SLC43A1: variants seen among roughly 807,000 people sequenced by gnomAD.
SLC43A1 encodes the protein solute carrier family 43 member 1, also known as large neutral amino acids transporter small subunit 3.
SLC43A1 carries 31 observed loss-of-function variants against 59.5 expected under a neutral mutation model. That is an observed-to-expected ratio of 0.52 (90% CI 0.39 to 0.70). The LOEUF is 0.70. SLC43A1 is among the 30% of genes least tolerant of loss of function. The pLI is 0.00. For synonymous variants in SLC43A1, 259 were observed against 290.9 expected (o/e 0.89, Z 1.12); for missense variants, 598 against 717.8 (o/e 0.83, Z 1.91).
chr11:57,485,251 C>A lies in SLC43A1; in HGVS notation c.1534-9G>T, dbSNP rs766243333. On this transcript the variant is annotated splice_polypyrimidine_tract_variant and intron_variant, in intron 14 of 14. Coordinates refer to ENST00000278426, the MANE Select transcript of SLC43A1 (RefSeq NM_003627.6). ...AGGAGGCCCAGATTCACCTTTAGGG[C>A]AAGGAGAGAGAAACAGAGTCAAGTA... The A allele has an allele frequency of 6.2e-7, 1 of 1,607,786 alleles. No individual in the cohort carries two copies. The highest frequency in any genetic ancestry group is 1.7e-5 in the Admixed American group (1 of 58,988).
intron 2 of SLC43A1, among the ~76,000 whole-genome samples, chr11:57,507,252 G>C (rs982286792): frequency 3.9e-5 from 6 of 152,230 alleles, no homozygotes; most frequent in Admixed American, 6.5e-5. Context: ...GGGATCACTT[G>C]AGGCCAGGGG....
At chr11:57,490,164 A>C (rs1943858371) in intron 11 of SLC43A1, among the ~76,000 whole-genome samples, 1 of 152,152 alleles carries the variant, frequency 6.6e-6, no homozygotes, top group Admixed American at 6.5e-5. Context: ...CAGTCACAGA[A>C]TCTGGGTTCA....
At chr11:57,498,908 A>C (rs1398339586) in intron 5 of SLC43A1, among the ~76,000 whole-genome samples, 1 of 152,072 alleles carries the variant, frequency 6.6e-6, no homozygotes, top group Non-Finnish European at 1.5e-5. Context: ...TGGCCCCACC[A>C]TCCTCCCCAA....
intron 2 of SLC43A1, among the ~76,000 whole-genome samples, chr11:57,511,923 G>A (rs1040864926): frequency 5.3e-5 from 8 of 152,144 alleles, no homozygotes; most frequent in African/African-American, 1.9e-4. Context: ...GTGGGGGTGA[G>A]GCGAGTGAGT....
intron 11 of SLC43A1, 28 bp downstream of exon 11, chr11:57,491,196 T>TGTCACCATCCCTGTACAGGCAG: frequency 6.7e-7 from 1 of 1,501,288 alleles, no homozygotes. Flanking sequence ...GACCACTTGC[T>TGTCACCATCCCTGTACAGGCAG]GTCACCATCC....
chr11:57,505,106 G>A (rs551088266), intron 2 of SLC43A1, among the ~76,000 whole-genome samples: 153 of 152,370 alleles, frequency 1.0e-3, no homozygotes, highest in African/African-American at 3.4e-3. Flanking sequence ...AGGGAAAGCA[G>A]TGTTTCCCAA....
intron 11 of SLC43A1, among the ~76,000 whole-genome samples, chr11:57,489,789 C>T (rs929471644): frequency 1.3e-5 from 2 of 152,250 alleles, no homozygotes; most frequent in Admixed American, 1.3e-4. Flanking sequence ...CACACCGTCT[C>T]TCATCAGAAG....
At chr11:57,513,282 C>T (rs1487432640) in intron 2 of SLC43A1, among the ~76,000 whole-genome samples, 1 of 152,304 alleles carries the variant, frequency 6.6e-6, no homozygotes, top group East Asian at 1.9e-4. Context: ...CGGAGCTTGT[C>T]AGCACAGCTC....
intron 5 of SLC43A1, among the ~76,000 whole-genome samples, chr11:57,498,703 A>T (rs559268378): frequency 1.3e-5 from 2 of 152,188 alleles, no homozygotes; most frequent in Admixed American, 6.5e-5. Context: ...ACATCCTGGG[A>T]GGTGAGGGTG....
chr11:57,491,863 C>A lies in SLC43A1; in HGVS notation c.872-1G>T. The A allele has an allele frequency of 6.2e-7, 1 of 1,613,876 alleles. No individual in the cohort carries two copies. Among genetic ancestry groups the A allele is most frequent in the Non-Finnish European group, 8.5e-7 (1 of 1,179,938 alleles). ...AGGCTCTTGCGTAAGGGGACAGACC[C>A]TGGGGAGACAGCAGGGGGCGCCCCT... On this transcript the variant is annotated splice_acceptor_variant, in intron 8 of 14. Transcript: ENST00000278426. LOFTEE classifies it high-confidence loss of function.
Position 57,514,664 on chromosome 11 carries a change from G to C in SLC43A1, c.-13-540C>G. On this transcript the variant is annotated intron_variant, in intron 1 of 14. Transcript: ENST00000278426. This position sits in a 1 kb window ranked among gnomAD's most constrained non-coding sequence, Gnocchi z 5.5. Reference sequence around the variant, plus strand: ...GCGACAGCAAGCCCTCCCCCTTTCCGTATCAGGTGACCCACGACCCTACAG... The same window carrying C: ...GCGACAGCAAGCCCTCCCCCTTTCCCTATCAGGTGACCCACGACCCTACAG... 1 of 227,804 alleles carries C rather than the reference G, an allele frequency of 4.4e-6. No individual in the cohort carries two copies. The highest frequency in any genetic ancestry group is 7.4e-6 in the Non-Finnish European group (1 of 135,650). The allele number at this position is 227,804 out of a possible 1,614,324, so 14.1% of individuals were successfully genotyped here.
chr11:57,512,307 G>A (rs1214786570), intron 2 of SLC43A1, among the ~76,000 whole-genome samples: 2 of 152,094 alleles, frequency 1.3e-5, no homozygotes, highest in African/African-American at 4.8e-5. Context: ...TACACAAGGG[G>A]TAGGCCAAGA....
chr11:57,488,207 G>A (rs72925935), intron 13 of SLC43A1, among the ~76,000 whole-genome samples: 4,517 of 152,272 alleles, frequency 0.03, 89 homozygotes, highest in Non-Finnish European at 0.048. Flanking sequence ...TGGTGGCTAG[G>A]ACTGGAGAGG....
chr11:57,491,800 C>G lies in SLC43A1; in HGVS notation c.934G>C (p.Gly312Arg). 1 of 1,614,184 alleles carries G rather than the reference C, an allele frequency of 6.2e-7. No homozygotes were observed. Among genetic ancestry groups the G allele is most frequent in the South Asian group, 1.1e-5 (1 of 91,088 alleles). The change falls in exon 9 of 15, where the codon GGC (glycine) becomes CGC (arginine). Residue 312 changes from glycine (G) to arginine (R), a missense_variant. Gly to Arg is a moderately radical substitution (Grantham distance 125). Coordinates refer to ENST00000278426, the MANE Select transcript of SLC43A1 (RefSeq NM_003627.6). ...PTFLWSLLTMGMTQLRIIFYM... is the reference protein window; with the variant it reads ...PTFLWSLLTMRMTQLRIIFYM... ...AAGATGATCCGCAGCTGGGTCATGC[C>G]CATGGTGAGGAGGCTCCACAGGAAA...
Position 57,514,107 on chromosome 11 carries a change from G to T in SLC43A1, c.5C>A (p.Ala2Asp). 1 of 1,585,676 alleles carries T rather than the reference G, an allele frequency of 6.3e-7. No homozygotes were observed. The highest frequency in any genetic ancestry group is 1.1e-5 in the South Asian group (1 of 87,378). Residue 2 changes from alanine (A) to aspartate (D), a missense_variant, in exon 2 of 15, where the codon GCC becomes GAC. Physicochemically the swap from Ala to Asp is moderately radical, Grantham distance 126 (BLOSUM62 -2). Coordinates refer to ENST00000278426, the MANE Select transcript of SLC43A1 (RefSeq NM_003627.6). This position sits in a 1 kb window ranked among gnomAD's most constrained non-coding sequence, Gnocchi z 5.5. ...CCGGTACGCCTGTTGCAGCGTGGGG[G>T]CCATGCTGGCCCCGAGCCTGCACAG... M[A>D]PTLQQAYRRR...
chr11:57,492,429 A>C (rs1943936324), intron 8 of SLC43A1, among the ~76,000 whole-genome samples: 1 of 135,812 alleles, frequency 7.4e-6, no homozygotes, highest in African/African-American at 2.7e-5. Flanking sequence ...TATCTCTAAA[A>C]AATATATATA....
At chr11:57,491,944 G>C in intron 8 of SLC43A1, 82 bp from the exon 9 acceptor site, 1 of 1,340,618 alleles carries the variant, frequency 7.5e-7, no homozygotes, top group African/African-American at 1.4e-5. Flanking sequence ...GTTCTTGGGG[G>C]GAGTGACACT....
At chr11:57,487,771 C>G (rs1943782942) in intron 13 of SLC43A1, among the ~76,000 whole-genome samples, 1 of 151,858 alleles carries the variant, frequency 6.6e-6, no homozygotes, top group Non-Finnish European at 1.5e-5. Context: ...GGAGGCCTCA[C>G]TGAGAAGAGG....
Position 57,488,920 on chromosome 11 carries a change from C to T in SLC43A1, c.1405G>A (p.Ala469Thr), listed in dbSNP as rs201763475. 6.2e-7 allele frequency: 1 copy of T among 1,613,408 alleles called. No homozygotes were observed. The highest frequency in any genetic ancestry group is 8.5e-7 in the Non-Finnish European group (1 of 1,179,306). Residue 469 changes from alanine (A) to threonine (T), a missense_variant, in exon 13 of 15, where the codon GCA becomes ACA. Physicochemically the swap from Ala to Thr is moderately conservative, Grantham distance 58. Coordinates refer to ENST00000278426, the MANE Select transcript of SLC43A1 (RefSeq NM_003627.6). Reference sequence around the variant, plus strand: ...ATTTCAGCCCAACAGACTCACACTGCAGCATAGAGACTCCCACAGGCTGAG... The same window carrying T: ...ATTTCAGCCCAACAGACTCACACTGTAGCATAGAGACTCCCACAGGCTGAG... ...FHSACGSLYA[A>T]VFPSNHFGTL...
Sources: gnomAD v4.1 joint callset for allele counts (sites outside exome capture counted in the v4.1 genomes callset) on GRCh38, gnomAD v4.1.1 for gene constraint, Gnocchi (gnomAD v3.1) non-coding constraint, MANE v1.5 for transcripts, NCBI Gene and HGNC (gene_info 2026-07-23, HGNC 2026-07-21) for gene names.